Variants in LHFPL4 observed in about 807,000 individuals in gnomAD.
LHFPL4 encodes LHFPL tetraspan subfamily member 4 protein.
A neutral mutation model predicts 20.0 loss-of-function variants in LHFPL4; 6 were observed. That is an observed-to-expected ratio of 0.30 (90% CI 0.16 to 0.59). The LOEUF (loss-of-function observed/expected upper bound fraction) is 0.59. Ranked by LOEUF, LHFPL4 falls within the 20% of genes least tolerant of loss-of-function variation. The pLI is 0.88. For synonymous variants in LHFPL4, 129 were observed against 143.8 expected, an observed-to-expected ratio of 0.90 and a Z score of 0.74; for missense variants, 215 against 331.2, an observed-to-expected ratio of 0.65 and a Z score of 2.72.
At chr3:9,508,797 C>T (rs1304756037) in intron 2 of LHFPL4, among the ~76,000 whole-genome samples, 2 of 152,212 alleles carry the variant, frequency 1.3e-5, no homozygotes, top group African/African-American at 2.4e-5. Flanking sequence ...TGGTCTCAGC[C>T]CCAGTCCTTC....
Position 9,506,280 on chromosome 3 carries a change from T to C in LHFPL4, c.407-77A>G. 8.6e-7 allele frequency: 1 copy of C among 1,167,360 alleles called. No homozygotes were observed. Among genetic ancestry groups the C allele is most frequent in the Non-Finnish European group, 1.3e-6 (1 of 786,370 alleles). 72.3% of individuals were successfully genotyped at this position (1,167,360 alleles called of 1,614,324 possible). ...GACCATTACTCGCTAGTGTCCGCAGTCTGGGCCCCACCCTATTGAGGGCAC... is the reference window on the plus strand; with the variant it reads ...GACCATTACTCGCTAGTGTCCGCAGCCTGGGCCCCACCCTATTGAGGGCAC... On this transcript the variant is annotated intron_variant, in intron 2 of 3. Coordinates refer to ENST00000287585, the MANE Select transcript of LHFPL4 (RefSeq NM_198560.3). The surrounding 1 kb of genome is among the most constrained non-coding windows in gnomAD (Gnocchi z 4.5).
At chr3:9,528,403 G>A (rs976237411) in intron 2 of LHFPL4, among the ~76,000 whole-genome samples, 7 of 152,250 alleles carry the variant, frequency 4.6e-5, no homozygotes, top group Non-Finnish European at 1.5e-5. Flanking sequence ...ATCCATTCAA[G>A]TCTGATCATG....
In LHFPL4 at chr3:9,510,555, T is replaced by C. The variant is rs553113868; in HGVS notation, c.407-4352A>G. Reference sequence around the variant, plus strand: ...CCAGCTACCCCATGGTCCTACTGACTTTCTCTGCTCCAAGCAGCCAGGAGG... The same window carrying C: ...CCAGCTACCCCATGGTCCTACTGACCTTCTCTGCTCCAAGCAGCCAGGAGG... On this transcript the variant is annotated intron_variant, in intron 2 of 3. Coordinates refer to ENST00000287585, the MANE Select transcript of LHFPL4 (RefSeq NM_198560.3). Among the ~76,000 whole-genome samples, 3 of 152,182 alleles carry C rather than the reference T, an allele frequency of 2.0e-5. No homozygotes were observed. In the South Asian group the frequency reaches 6.2e-4, roughly 32 times the overall value.
rs144417388 is a variant in LHFPL4 at position 9,526,438 on chromosome 3, C to T, written c.407-20235G>A. ...AAAATGCGGGAAAAAAGAATGTCCCCGTACAAATCTGACAATAGTTTGAAT... is the reference window on the plus strand; with the variant it reads ...AAAATGCGGGAAAAAAGAATGTCCCTGTACAAATCTGACAATAGTTTGAAT... On this transcript the variant is annotated intron_variant, in intron 2 of 3. Transcript: ENST00000287585. Among the ~76,000 whole-genome samples, 570 of 152,238 alleles carry T rather than the reference C, an allele frequency of 3.7e-3. 2 individuals carry two copies. The highest frequency in any genetic ancestry group is 6.3e-3 in the Non-Finnish European group (428 of 68,030).
intron 2 of LHFPL4, among the ~76,000 whole-genome samples, chr3:9,542,049 G>A (rs1056211047): frequency 6.6e-6 from 1 of 152,096 alleles, no homozygotes; most frequent in African/African-American, 2.4e-5. Context: ...ATTTTGGGAG[G>A]CCAAGGAGGG....
At position 9,506,967 on chromosome 3, in the gene LHFPL4, C is replaced by T. The variant is rs1473759657; in HGVS notation, c.407-764G>A. 6.6e-6 allele frequency among the ~76,000 whole-genome samples: 1 copy of T among 152,216 alleles called. No homozygotes were observed. Among genetic ancestry groups the T allele is most frequent in the Non-Finnish European group, 1.5e-5 (1 of 68,038 alleles). On this transcript the variant is annotated intron_variant, in intron 2 of 3. Coordinates refer to ENST00000287585, the MANE Select transcript of LHFPL4 (RefSeq NM_198560.3). This position sits in a 1 kb window ranked among gnomAD's most constrained non-coding sequence, Gnocchi z 4.5. ...CTTTTATTCACGATGCTAGAATATA[C>T]TTTCATTCATGCAGTTGAGCACTTT...
intron 2 of LHFPL4, among the ~76,000 whole-genome samples, chr3:9,517,610 T>G (rs1217156230): frequency 6.7e-6 from 1 of 149,128 alleles, no homozygotes; most frequent in Non-Finnish European, 1.5e-5. Flanking sequence ...GTGGGAAGAT[T>G]GGTTGAGCCC....
chr3:9,540,622 A>C (rs1422571839), intron 2 of LHFPL4, among the ~76,000 whole-genome samples: 1 of 152,144 alleles, frequency 6.6e-6, no homozygotes, highest in African/African-American at 2.4e-5. Context: ...GGTTGGTCAT[A>C]GTGGCTCATG....
chr3:9,521,378 C>A (rs985002139), intron 2 of LHFPL4, among the ~76,000 whole-genome samples: 35 of 151,536 alleles, frequency 2.3e-4, no homozygotes, highest in African/African-American at 8.2e-4. Flanking sequence ...GTGTGCACCA[C>A]CATGCTTGGC....
chr3:9,523,090 A>AAGAAAGAAAGAAAGAG (rs1487753781), intron 2 of LHFPL4, among the ~76,000 whole-genome samples: 115 of 143,062 alleles, frequency 8.0e-4, no homozygotes, highest in African/African-American at 2.6e-3. Flanking sequence ...GAAAGAAAGA[A>AAGAAAGAAAGAAAGAG]AGAGAGAGAG....
At chr3:9,537,930 C>T (rs968442823) in intron 2 of LHFPL4, among the ~76,000 whole-genome samples, 13 of 152,176 alleles carry the variant, frequency 8.5e-5, no homozygotes, top group Non-Finnish European at 1.8e-4. Flanking sequence ...TTTCCCCTTG[C>T]ACATCCCATA....
intron 2 of LHFPL4, among the ~76,000 whole-genome samples, chr3:9,551,370 G>C (rs1314411961): frequency 5.2e-5 from 7 of 133,686 alleles, no homozygotes; most frequent in African/African-American, 1.9e-4. Context: ...ACTTTCCCCA[G>C]TCCAACTCTC....
chr3:9,529,678 A>G (rs181344926), intron 2 of LHFPL4, among the ~76,000 whole-genome samples: 12 of 152,154 alleles, frequency 7.9e-5, no homozygotes, highest in Admixed American at 5.2e-4. Context: ...TCTTTCACCC[A>G]GGCTGGAGTG....
At chr3:9,511,152 C>T (rs1020810685) in intron 2 of LHFPL4, among the ~76,000 whole-genome samples, 4 of 151,846 alleles carry the variant, frequency 2.6e-5, no homozygotes, top group African/African-American at 4.8e-5. Context: ...GAGTTCGAGA[C>T]CATCTTGTCT....
chr3:9,502,267 CA>C lies in LHFPL4; in HGVS notation c.687del (p.Asp230MetfsTer88), dbSNP rs1273056068. 6.2e-7 allele frequency: 1 copy of C among 1,613,888 alleles called. No individual in the cohort carries two copies. Among genetic ancestry groups the C allele is most frequent in the East Asian group, 2.2e-5 (1 of 44,868 alleles). ...STVSSVLRPG[G>X]DVSGWGVLPC... The stretch of plus-strand genomic sequence containing the variant: ...GGAAGGACTCCCCATCCAGAGACAT[CA>C]CCCCCGGGCCGCAACACGGAGCTTA... On this transcript the variant is annotated frameshift_variant, in exon 4 of 4. Coordinates refer to ENST00000287585, the MANE Select transcript of LHFPL4 (RefSeq NM_198560.3). LOFTEE classifies it high-confidence loss of function.
intron 2 of LHFPL4, among the ~76,000 whole-genome samples, chr3:9,507,811 T>A: frequency 6.6e-6 from 1 of 152,076 alleles, no homozygotes; most frequent in East Asian, 1.9e-4. Flanking sequence ...GCTTGGAGAG[T>A]GGCACCTCCT....
chr3:9,506,103 C>A lies in LHFPL4; in HGVS notation c.507G>T (p.Gly169=), dbSNP rs1279746997. The change falls in exon 3 of 4, where the codon GGG becomes GGT. Residue 169 remains glycine, a synonymous_variant. Transcript: ENST00000287585. The surrounding 1 kb of genome is among the most constrained non-coding windows in gnomAD (Gnocchi z 4.5). The part of the protein sequence containing the change: ...CGAKTGKYSL[G]DCSVRWAYIL... ...TGTATGCCCAGCGCACTGAACAGTCCCCCAGGGAGTACTTCCCCGTCTTGG... is the reference window on the plus strand; with the variant it reads ...TGTATGCCCAGCGCACTGAACAGTCACCCAGGGAGTACTTCCCCGTCTTGG... The A allele has an allele frequency of 3.1e-6, 5 of 1,613,984 alleles. No individual in the cohort carries two copies. Among genetic ancestry groups the A allele is most frequent in the East Asian group, 4.5e-5 (2 of 44,868 alleles).
intron 2 of LHFPL4, among the ~76,000 whole-genome samples, chr3:9,521,048 C>G (rs943306265): frequency 4.6e-5 from 7 of 152,092 alleles, no homozygotes; most frequent in Admixed American, 4.6e-4. Context: ...TTTCTCTTTG[C>G]ACTTCTATCA....
At chr3:9,519,810 G>A (rs529639136) in intron 2 of LHFPL4, among the ~76,000 whole-genome samples, 35 of 152,014 alleles carry the variant, frequency 2.3e-4, no homozygotes, top group Admixed American at 2.0e-3. Flanking sequence ...GCCTCAGCCT[G>A]AGTATAAGCT....
Sources: allele counts gnomAD v4.1 joint callset (sites outside exome capture counted in the v4.1 genomes callset), GRCh38; gene constraint gnomAD v4.1.1; non-coding constraint Gnocchi (gnomAD v3.1); transcripts MANE v1.5; gene names NCBI Gene and HGNC (gene_info 2026-07-23, HGNC 2026-07-21).